The following PCCA variants were observed in gnomAD, a reference collection of about 807,000 sequenced individuals.
PCCA encodes propionyl-CoA carboxylase alpha chain, mitochondrial.
PCCA carries 74 observed loss-of-function variants against 101.3 expected under a neutral mutation model. The observed-to-expected ratio is 0.73, with a 90% CI of 0.61 to 0.89. The LOEUF is 0.89. PCCA is among the 40% of genes least tolerant of loss of function. The pLI is 0.00. For synonymous variants in PCCA, 294 were observed against 313.6 expected (o/e 0.94, Z 0.66); for missense variants, 891 against 907.0 (o/e 0.98, Z 0.23).
chr13:100,437,507 G>T (rs1191066850), intron 20 of PCCA, among the ~76,000 whole-genome samples: 1 of 150,604 alleles, frequency 6.6e-6, no homozygotes, highest in East Asian at 1.9e-4. Flanking sequence ...TAAGGAAAAT[G>T]AAATAACTAT....
intron 19 of PCCA, among the ~76,000 whole-genome samples, chr13:100,409,509 C>T (rs926895306): frequency 2.6e-5 from 4 of 152,128 alleles, no homozygotes; most frequent in African/African-American, 9.7e-5. Flanking sequence ...AGCTTAAATT[C>T]CTACTTCCAC....
intron 6 of PCCA, among the ~76,000 whole-genome samples, chr13:100,165,808 G>T: frequency 6.6e-6 from 1 of 152,076 alleles, no homozygotes; most frequent in East Asian, 1.9e-4. Context: ...GAGATAGGAG[G>T]ATCACTTGAG....
intron 17 of PCCA, among the ~76,000 whole-genome samples, chr13:100,334,223 G>T (rs114689648): frequency 0.028 from 4,232 of 152,274 alleles, 198 homozygotes; most frequent in African/African-American, 0.097. Flanking sequence ...TGGGAGCTGG[G>T]CTGCACTTGT....
Position 100,348,767 on chromosome 13 carries a change from TCTTTCTTTCTTTCTTTCTTTCTTC to T in PCCA, c.1643+8512_1643+8535del, listed in dbSNP as rs1316590596. Reference sequence around the variant, plus strand: ...TTCTTTCTTTCTTTCTTTCTTTCTTTCTTTCTTTCTTTCTTTCTTTCTTCCTTCCTTCCTTCCTTCCTTCCTTCC... The same window carrying T: ...TTCTTTCTTTCTTTCTTTCTTTCTTTCTTCCTTCCTTCCTTCCTTCCTTCC... On this transcript the variant is annotated intron_variant, in intron 18 of 23. Transcript: ENST00000376285. 1.8e-4 allele frequency among the ~76,000 whole-genome samples: 16 copies of T among 87,948 alleles called. No individual in the cohort carries two copies. In the South Asian group the frequency reaches 1.9e-3, roughly 10 times the overall value. The allele number at this position is 87,948 out of a possible 152,430, so 57.7% of individuals were successfully genotyped here.
chr13:100,393,170 GA>G (rs2076886027), intron 19 of PCCA, among the ~76,000 whole-genome samples: 1 of 152,018 alleles, frequency 6.6e-6, no homozygotes, highest in Non-Finnish European at 1.5e-5. Flanking sequence ...CGTTCTTTAA[GA>G]AAAAAACACG....
chr13:100,210,124 C>T (rs1045655258), intron 7 of PCCA, among the ~76,000 whole-genome samples: 1 of 151,828 alleles, frequency 6.6e-6, no homozygotes, highest in Non-Finnish European at 1.5e-5. Context: ...ACTGCAGACA[C>T]ACACCACCAC....
At position 100,257,615 on chromosome 13, in the gene PCCA, G is replaced by T; in HGVS notation, c.658G>T (p.Ala220Ser). 6.2e-7 allele frequency: 1 copy of T among 1,613,608 alleles called. No homozygotes were observed. The highest frequency in any genetic ancestry group is 2.2e-5 in the East Asian group (1 of 44,858). ...REIGYPVMIK[A>S]SAGGGGKGMR... ...GTTAGGCTACCCTGTCATGATCAAG[G>T]CCTCAGCAGGTGGTGGTGGGAAAGG... The change falls in exon 9 of 24, where the codon GCC becomes TCC. Residue 220 changes from alanine (A) to serine (S), a missense_variant. Physicochemically the swap from Ala to Ser is moderately conservative, Grantham distance 99. Transcript: ENST00000376285.
intron 6 of PCCA, among the ~76,000 whole-genome samples, chr13:100,179,551 G>T (rs999661757): frequency 2.0e-5 from 3 of 152,138 alleles, no homozygotes; most frequent in Non-Finnish European, 4.4e-5. Context: ...GCTACCTATA[G>T]TCTTGCTTCT....
At position 100,248,820 on chromosome 13, in the gene PCCA, C is replaced by T. The variant is rs554731011; in HGVS notation, c.638-8775C>T. On this transcript the variant is annotated intron_variant, in intron 8 of 23. Transcript: ENST00000376285. The stretch of plus-strand genomic sequence containing the variant: ...GGAGTGCAGTGGCGCGAGCTTGGCT[C>T]ACTGCAACCTCCGCCTCCCGGGTTC... 2.0e-5 allele frequency among the ~76,000 whole-genome samples: 3 copies of T among 152,084 alleles called. No homozygotes were observed. In the South Asian group the frequency reaches 6.2e-4, roughly 32 times the overall value.
chr13:100,465,181 C>G (rs549228979), intron 21 of PCCA, among the ~76,000 whole-genome samples: 12 of 152,210 alleles, frequency 7.9e-5, no homozygotes, highest in Admixed American at 6.5e-4. Context: ...GCTGACCCCC[C>G]ATGTCTGATG....
chr13:100,507,782 G>T (rs762641335), intron 21 of PCCA, among the ~76,000 whole-genome samples: 1 of 151,304 alleles, frequency 6.6e-6, no homozygotes, highest in African/African-American at 2.4e-5. Flanking sequence ...TCAGCCTCCC[G>T]AGCAGCTAGG....
chr13:100,440,908 G>A (rs979986381), intron 20 of PCCA, among the ~76,000 whole-genome samples: 2 of 152,078 alleles, frequency 1.3e-5, no homozygotes, highest in African/African-American at 4.8e-5. Context: ...TTAGAAACAA[G>A]CTCACCAGTA....
intron 21 of PCCA, among the ~76,000 whole-genome samples, chr13:100,455,726 G>T (rs916133396): frequency 6.6e-6 from 1 of 151,870 alleles, no homozygotes; most frequent in African/African-American, 2.4e-5. Context: ...TTGAGACAGA[G>T]TCTCCCTCTG....
chr13:100,187,753 ACT>A (rs2057408321), intron 6 of PCCA, among the ~76,000 whole-genome samples: 1 of 151,884 alleles, frequency 6.6e-6, no homozygotes, highest in South Asian at 2.1e-4. Context: ...TGGGGGTGGC[ACT>A]CTTTTTATTT....
intron 12 of PCCA, among the ~76,000 whole-genome samples, chr13:100,282,682 G>A (rs1434088231): frequency 6.6e-6 from 1 of 152,198 alleles, no homozygotes; most frequent in Non-Finnish European, 1.5e-5. Flanking sequence ...GCCACCTGAG[G>A]GAAGTACAAA....
At chr13:100,471,352 A>G (rs1338652604) in intron 21 of PCCA, among the ~76,000 whole-genome samples, 1 of 152,226 alleles carries the variant, frequency 6.6e-6, no homozygotes, top group Non-Finnish European at 1.5e-5. Context: ...ACAGATAACG[A>G]CGAAAATGGG....
Position 100,298,708 on chromosome 13 carries a change from T to G in PCCA, c.1066-2752T>G, listed in dbSNP as rs1405669530. On this transcript the variant is annotated intron_variant, in intron 12 of 23. Transcript: ENST00000376285. ...CTTCCTTCCTTCCTTCCTTCCTTCC[T>G]TCCTTCCTTCCTTCCTTCCTTCCTT... Among the ~76,000 whole-genome samples, 129 of 92,880 alleles carry G rather than the reference T, an allele frequency of 1.4e-3. 7 individuals carry two copies. Among genetic ancestry groups the G allele is most frequent in the Non-Finnish European group, 2.1e-3 (97 of 45,190 alleles). The allele number at this position is 92,880 out of a possible 152,430, so 60.9% of individuals were successfully genotyped here.
At chr13:100,212,943 A>G (rs941277199) in intron 7 of PCCA, among the ~76,000 whole-genome samples, 10 of 151,908 alleles carry the variant, frequency 6.6e-5, no homozygotes, top group Non-Finnish European at 1.0e-4. Flanking sequence ...TGTGAGTTCA[A>G]CTATGTTAAT....
intron 6 of PCCA, among the ~76,000 whole-genome samples, chr13:100,177,526 T>G (rs2056345753): frequency 6.6e-6 from 1 of 152,162 alleles, no homozygotes; most frequent in Non-Finnish European, 1.5e-5. Context: ...AGTAAAAAAC[T>G]GAAAAAAATC....
Sources: allele counts gnomAD v4.1 joint callset (sites outside exome capture counted in the v4.1 genomes callset), GRCh38; gene constraint gnomAD v4.1.1; transcripts MANE v1.5; gene names NCBI Gene and HGNC (gene_info 2026-07-23, HGNC 2026-07-21).